Variants in MARCHF11 observed in about 807,000 individuals in gnomAD.
MARCHF11 encodes the protein membrane associated ring-CH-type finger 11, also known as E3 ubiquitin-protein ligase MARCHF11.
In MARCHF11, 29 loss-of-function variants were observed where a neutral mutation model predicts 37.3. The ratio of observed to expected loss-of-function variants is 0.78; its 90% CI spans 0.58 to 1.06. MARCHF11 has a LOEUF of 1.06. MARCHF11 is among the 50% of genes least tolerant of loss of function. The pLI is 0.00. For synonymous variants in MARCHF11, 233 were observed against 228.0 expected (o/e 1.02, Z -0.20); for missense variants, 482 against 533.4 (o/e 0.90, Z 0.95).
Position 16,090,932 on chromosome 5 carries a change from C to T in MARCHF11, c.843G>A (p.Gln281=). ...TAAAACCATACATTCCATAGCAGAT[C>T]TGAAAAAGGATGTCCTTCCTCTGCC... ...AVWQRKDILF[Q]ICYGMYGFMD... The change falls in exon 3 of 4, where the codon CAG becomes CAA. Residue 281 remains glutamine, a synonymous_variant. Transcript: ENST00000332432. 6.2e-7 allele frequency: 1 copy of T among 1,610,660 alleles called. No individual in the cohort carries two copies. Among genetic ancestry groups the T allele is most frequent in the Non-Finnish European group, 8.5e-7 (1 of 1,179,160 alleles).
intron 2 of MARCHF11, among the ~76,000 whole-genome samples, chr5:16,107,541 A>G (rs889555470): frequency 6.6e-6 from 1 of 152,170 alleles, no homozygotes; most frequent in Non-Finnish European, 1.5e-5. Flanking sequence ...CAACAATATT[A>G]AATGTGATAC....
intron 3 of MARCHF11, among the ~76,000 whole-genome samples, chr5:16,076,280 T>C (rs1414408804): frequency 6.6e-6 from 1 of 151,974 alleles, no homozygotes; most frequent in African/African-American, 2.4e-5. Flanking sequence ...AAAAATATGG[T>C]ATATCTTTTT....
At chr5:16,116,429 C>A (rs1560979400) in intron 2 of MARCHF11, among the ~76,000 whole-genome samples, 1 of 152,168 alleles carries the variant, frequency 6.6e-6, no homozygotes, top group African/African-American at 2.4e-5. Context: ...CATCAAACAA[C>A]TCTGAATATT....
chr5:16,071,980 G>C (rs977948056), intron 3 of MARCHF11, among the ~76,000 whole-genome samples: 1 of 151,840 alleles, frequency 6.6e-6, no homozygotes, highest in Non-Finnish European at 1.5e-5. Context: ...GTTTTTTTGA[G>C]ACAGAGTCTC....
chr5:16,076,288 T>C (rs527863935), intron 3 of MARCHF11, among the ~76,000 whole-genome samples: 1 of 151,628 alleles, frequency 6.6e-6, no homozygotes, highest in South Asian at 2.1e-4. Context: ...GGTATATCTT[T>C]TTTATCATTT....
intron 3 of MARCHF11, among the ~76,000 whole-genome samples, chr5:16,080,598 T>C (rs1736591523): frequency 6.6e-6 from 1 of 152,172 alleles, no homozygotes; most frequent in Non-Finnish European, 1.5e-5. Context: ...TGATAGCCAG[T>C]GTTTTAGCAA....
chr5:16,138,579 G>A (rs995554841), intron 2 of MARCHF11, among the ~76,000 whole-genome samples: 1 of 152,180 alleles, frequency 6.6e-6, no homozygotes, highest in Non-Finnish European at 1.5e-5. Flanking sequence ...GCCGTGAGAA[G>A]AGGGTCACCA....
intron 2 of MARCHF11, among the ~76,000 whole-genome samples, chr5:16,147,258 C>T (rs1176653766): frequency 6.6e-6 from 1 of 152,108 alleles, no homozygotes; most frequent in Non-Finnish European, 1.5e-5. Flanking sequence ...AAAATCACTG[C>T]TAAAGCCAGC....
intron 2 of MARCHF11, among the ~76,000 whole-genome samples, chr5:16,134,617 C>T (rs1380689883): frequency 2.0e-5 from 3 of 152,024 alleles, no homozygotes; most frequent in South Asian, 2.1e-4. Flanking sequence ...GAAATTATCA[C>T]CAAAAAAATT....
At chr5:16,149,938 C>T (rs545223394) in intron 2 of MARCHF11, among the ~76,000 whole-genome samples, 1 of 150,330 alleles carries the variant, frequency 6.7e-6, no homozygotes, top group East Asian at 2.0e-4. Context: ...CAAGACAAGA[C>T]AATAAACACC....
intron 3 of MARCHF11, among the ~76,000 whole-genome samples, chr5:16,076,829 CG>C (rs888728379): frequency 1.3e-5 from 2 of 152,318 alleles, no homozygotes; most frequent in Non-Finnish European, 2.9e-5. Flanking sequence ...ACTCAGACAT[CG>C]GGAGCCATCC....
chr5:16,121,257 T>A (rs1266456326), intron 2 of MARCHF11, among the ~76,000 whole-genome samples: 2 of 151,858 alleles, frequency 1.3e-5, no homozygotes, highest in Non-Finnish European at 2.9e-5. Context: ...CATTCCTTTG[T>A]TTTTTTTGCC....
intron 2 of MARCHF11, among the ~76,000 whole-genome samples, chr5:16,106,892 T>C (rs1255053942): frequency 6.6e-6 from 1 of 152,214 alleles, no homozygotes; most frequent in Non-Finnish European, 1.5e-5. Flanking sequence ...GTGTTTGGAT[T>C]GTGGGTGTTC....
At chr5:16,124,180 G>C (rs1737361295) in intron 2 of MARCHF11, among the ~76,000 whole-genome samples, 1 of 152,116 alleles carries the variant, frequency 6.6e-6, no homozygotes, top group African/African-American at 2.4e-5. Context: ...GGGAACAATG[G>C]AGTGAATTTA....
intron 3 of MARCHF11, among the ~76,000 whole-genome samples, chr5:16,085,758 C>T (rs971440932): frequency 4.0e-5 from 6 of 151,748 alleles, no homozygotes; most frequent in Non-Finnish European, 7.4e-5. Context: ...CGAGATCATC[C>T]TGGCTAACAC....
chr5:16,131,632 A>G (rs1370139509), intron 2 of MARCHF11, among the ~76,000 whole-genome samples: 1 of 152,202 alleles, frequency 6.6e-6, no homozygotes, highest in Non-Finnish European at 1.5e-5. Flanking sequence ...CTGGAATCAT[A>G]AATGAGCCGC....
chr5:16,073,332 T>C (rs2126544388), intron 3 of MARCHF11, among the ~76,000 whole-genome samples: 1 of 152,290 alleles, frequency 6.6e-6, no homozygotes, highest in African/African-American at 2.4e-5. Flanking sequence ...TATAATACAA[T>C]GCATGAATCC....
In MARCHF11 at chr5:16,091,161, T is replaced by A. The variant is rs1197006895; in HGVS notation, c.694-80A>T. The A allele has an allele frequency of 5.1e-6, 6 of 1,165,748 alleles. No homozygotes were observed. The African/African-American group carries it at 9.4e-5, about 18-fold the overall frequency. 72.2% of individuals were successfully genotyped at this position (1,165,748 alleles called of 1,614,324 possible). A position where few individuals can be genotyped will look rare whatever the true frequency, so the allele number is the denominator to read the frequency against. ...AAAAAAACATTTTCAGTCCTGTGTT[T>A]CTTTTCATAATGTTAGACCCTTTGA... On this transcript the variant is annotated intron_variant, in intron 2 of 3. Coordinates refer to ENST00000332432, the MANE Select transcript of MARCHF11 (RefSeq NM_001102562.3).
rs34711667 is a variant in MARCHF11, at chr5:16,089,602, T to TA, written c.886+1286dup. On this transcript the variant is annotated intron_variant, in intron 3 of 3. Transcript: ENST00000332432. Reference sequence around the variant, plus strand: ...AGTGAGAAAGGAGGAAAGAAAAAAGTAAAAAAAAAAAAAAATCATGCTGAC... The same window carrying TA: ...AGTGAGAAAGGAGGAAAGAAAAAAGTAAAAAAAAAAAAAAAATCATGCTGAC... Among the ~76,000 whole-genome samples the TA allele has an allele frequency of 5.6e-3, 771 of 138,268 alleles. 5 individuals are homozygous for TA. The highest frequency in any genetic ancestry group is 0.017 in the African/African-American group (636 of 36,946). 90.7% of individuals were successfully genotyped at this position (138,268 alleles called of 152,430 possible). A position where few individuals can be genotyped will look rare whatever the true frequency, so the allele number is the denominator to read the frequency against.
Sources: gnomAD v4.1 joint callset for allele counts (sites outside exome capture counted in the v4.1 genomes callset) on GRCh38, gnomAD v4.1.1 for gene constraint, MANE v1.5 for transcripts, NCBI Gene and HGNC (gene_info 2026-07-23, HGNC 2026-07-21) for gene names.